RABGAP1L: variants seen among roughly 807,000 people sequenced by gnomAD.
RABGAP1L encodes RAB GTPase activating protein 1 like.
RABGAP1L carries 63 observed loss-of-function variants against 137.7 expected under a neutral mutation model. That is an observed-to-expected ratio of 0.46 (90% CI 0.37 to 0.56). The LOEUF (loss-of-function observed/expected upper bound fraction) is 0.56. Ranked by LOEUF, RABGAP1L falls within the 20% of genes least tolerant of loss-of-function variation. The probability of loss-of-function intolerance (pLI) is 0.00; values close to 1 mark genes in which losing one functional copy is unlikely to be tolerated. For missense variants in RABGAP1L, 1,095 were observed against 1,244.0 expected (o/e 0.88, Z 1.80); for synonymous variants, 431 against 433.7 (o/e 0.99, Z 0.08).
chr1:174,720,215 GCTGAGGTAA>G (rs891621489), intron 17 of RABGAP1L, among the ~76,000 whole-genome samples: 61 of 151,578 alleles, frequency 4.0e-4, no homozygotes, highest in African/African-American at 1.3e-3. Flanking sequence ...AACAAATGTT[GCTGAGGTAA>G]CTGGAGATAG....
At chr1:174,651,581 A>G (rs1237578292) in intron 14 of RABGAP1L, among the ~76,000 whole-genome samples, 2 of 152,086 alleles carry the variant, frequency 1.3e-5, no homozygotes, top group African/African-American at 4.8e-5. Context: ...TCCCTTTACC[A>G]TTATGTAATG....
chr1:174,657,651 A>G (rs1435776268), intron 14 of RABGAP1L, among the ~76,000 whole-genome samples: 1 of 152,170 alleles, frequency 6.6e-6, no homozygotes, highest in Admixed American at 6.5e-5. Flanking sequence ...GTTGTTGGAC[A>G]CTTGGGTTGA....
At chr1:174,772,567 C>CAAA (rs60690186) in intron 18 of RABGAP1L, among the ~76,000 whole-genome samples, 39 of 53,022 alleles carry the variant, frequency 7.4e-4, no homozygotes, top group South Asian at 1.5e-3. Flanking sequence ...GACTCCATCT[C>CAAA]AAAAAAAAAA....
At chr1:174,851,222 G>A (rs1251821417) in intron 19 of RABGAP1L, among the ~76,000 whole-genome samples, 1 of 152,186 alleles carries the variant, frequency 6.6e-6, no homozygotes, top group South Asian at 2.1e-4. Flanking sequence ...GCAAAATTAT[G>A]TTCTAAAACT....
At chr1:174,541,325 A>G (rs1025740122) in intron 13 of RABGAP1L, among the ~76,000 whole-genome samples, 1 of 152,062 alleles carries the variant, frequency 6.6e-6, no homozygotes, top group Non-Finnish European at 1.5e-5. Context: ...TTCCAACACT[A>G]TGTTGAATAG....
chr1:174,889,243 C>A (rs1271640528), intron 19 of RABGAP1L, among the ~76,000 whole-genome samples: 1 of 151,922 alleles, frequency 6.6e-6, no homozygotes, highest in East Asian at 1.9e-4. Context: ...TCTGCCTCAG[C>A]CTCCTGGGTA....
At chr1:174,422,546 T>C (rs1419825051) in intron 13 of RABGAP1L, among the ~76,000 whole-genome samples, 2 of 152,176 alleles carry the variant, frequency 1.3e-5, no homozygotes, top group Non-Finnish European at 1.5e-5. Context: ...GTTAGGCCAG[T>C]AATAATTCTA....
At chr1:174,284,734 C>CT (rs59344382) in intron 10 of RABGAP1L, among the ~76,000 whole-genome samples, 920 of 42,610 alleles carry the variant, frequency 0.022, 108 homozygotes, top group Non-Finnish European at 0.03. Flanking sequence ...TATTTCTTGT[C>CT]TTTTTTTTTT....
chr1:174,737,024 C>T (rs1300055033), intron 17 of RABGAP1L, among the ~76,000 whole-genome samples: 2 of 152,160 alleles, frequency 1.3e-5, no homozygotes, highest in South Asian at 2.1e-4. Context: ...TGCCCATTGT[C>T]GTGGATATTA....
At chr1:174,711,311 T>C (rs1379211934) in intron 17 of RABGAP1L, among the ~76,000 whole-genome samples, 1 of 151,978 alleles carries the variant, frequency 6.6e-6, no homozygotes, top group East Asian at 1.9e-4. Context: ...GCTGAAGGGC[T>C]CCTCAAGTGC....
At chr1:174,242,512 TG>T (rs1187377900) in intron 5 of RABGAP1L, among the ~76,000 whole-genome samples, 1 of 152,234 alleles carries the variant, frequency 6.6e-6, no homozygotes, top group African/African-American at 2.4e-5. Context: ...TCATGAAACA[TG>T]AATAAATCAT....
intron 17 of RABGAP1L, among the ~76,000 whole-genome samples, chr1:174,720,309 T>G (rs1296582856): frequency 8.3e-6 from 1 of 119,954 alleles, no homozygotes; most frequent in Non-Finnish European, 1.7e-5. Flanking sequence ...AGATAGTTGG[T>G]TTTTTTTTTT....
At chr1:174,749,483 C>T (rs1684166989) in intron 17 of RABGAP1L, among the ~76,000 whole-genome samples, 1 of 151,986 alleles carries the variant, frequency 6.6e-6, no homozygotes, top group South Asian at 2.1e-4. Flanking sequence ...GTGTGTACCA[C>T]CACACCTGGC....
At chr1:174,441,926 A>G (rs182768082) in intron 13 of RABGAP1L, among the ~76,000 whole-genome samples, 1 of 151,690 alleles carries the variant, frequency 6.6e-6, no homozygotes, top group East Asian at 1.9e-4. Flanking sequence ...TCATGTTTTC[A>G]TCTCCCTTTA....
intron 13 of RABGAP1L, among the ~76,000 whole-genome samples, chr1:174,398,838 A>G (rs945719515): frequency 6.6e-6 from 1 of 152,188 alleles, no homozygotes; most frequent in Non-Finnish European, 1.5e-5. Context: ...TAATAGTGAC[A>G]CTAGTTGAGA....
intron 13 of RABGAP1L, among the ~76,000 whole-genome samples, chr1:174,580,313 T>C (rs1668641701): frequency 6.6e-6 from 1 of 152,206 alleles, no homozygotes; most frequent in African/African-American, 2.4e-5. Flanking sequence ...ATCGTGCTGT[T>C]ATAAAGACAC....
At chr1:174,891,906 G>C (rs748832636) in intron 19 of RABGAP1L, among the ~76,000 whole-genome samples, 1 of 152,186 alleles carries the variant, frequency 6.6e-6, no homozygotes, top group African/African-American at 2.4e-5. Context: ...CTGAAACACA[G>C]AAAGAAAATA....
chr1:174,621,569 C>G (rs1045118941), intron 13 of RABGAP1L, among the ~76,000 whole-genome samples: 18 of 152,124 alleles, frequency 1.2e-4, no homozygotes, highest in Non-Finnish European at 8.8e-5. Context: ...ACCATCTGAT[C>G]TTTGACAAAC....
intron 1 of RABGAP1L, among the ~76,000 whole-genome samples, chr1:174,161,143 C>T (rs1174080813): frequency 6.6e-6 from 1 of 151,810 alleles, no homozygotes; most frequent in Non-Finnish European, 1.5e-5. Context: ...ATGTATTATT[C>T]ATTTGGAGAG....
Sources: allele counts gnomAD v4.1 joint callset (sites outside exome capture counted in the v4.1 genomes callset), GRCh38; gene constraint gnomAD v4.1.1; transcripts MANE v1.5; gene names NCBI Gene and HGNC (gene_info 2026-07-23, HGNC 2026-07-21).